The following RBM25 variants were observed in gnomAD, a reference collection of about 807,000 sequenced individuals.
RBM25 encodes RNA binding motif protein 25, also known as RNA-binding protein 25.
A neutral mutation model predicts 120.7 loss-of-function variants in RBM25; 19 were observed. That is an observed-to-expected ratio of 0.16 (90% CI 0.11 to 0.23). The LOEUF (loss-of-function observed/expected upper bound fraction) is 0.23. Among genes scored for constraint, RBM25 ranks in the 10% least tolerant of loss-of-function variants. The pLI, the probability that RBM25 is intolerant of heterozygous loss-of-function variation, is 1.00. For synonymous variants in RBM25, 390 were observed against 326.7 expected (o/e 1.19, Z -2.09); for missense variants, 605 against 1,041.5 (o/e 0.58, Z 5.77).
chr14:73,076,409 G>C, intron 3 of RBM25, 41 bp downstream of exon 3: 1 of 1,541,890 alleles, frequency 6.5e-7, no homozygotes, highest in South Asian at 1.1e-5. Flanking sequence ...TTATGGTAGT[G>C]CTAGTGCTTT....
chr14:73,059,007 T>G (rs959022151), intron 1 of RBM25, among the ~76,000 whole-genome samples: 1 of 152,080 alleles, frequency 6.6e-6, no homozygotes, highest in African/African-American at 2.4e-5. Flanking sequence ...GAATCGTCTC[T>G]GCCCCCCCTG....
intron 13 of RBM25, among the ~76,000 whole-genome samples, chr14:73,108,240 A>G (rs992548562): frequency 6.6e-6 from 1 of 152,154 alleles, no homozygotes; most frequent in African/African-American, 2.4e-5. Flanking sequence ...GCTGGAATGC[A>G]GGGGCATGAT....
chr14:73,071,509 T>C, intron 1 of RBM25, 118 bp from the exon 2 acceptor site: 1 of 705,278 alleles, frequency 1.4e-6, no homozygotes, highest in Middle Eastern at 2.6e-4. Flanking sequence ...TGCCAATTTC[T>C]TTGGGTAAGA....
intron 1 of RBM25, among the ~76,000 whole-genome samples, chr14:73,060,513 A>G (rs1894978967): frequency 6.6e-6 from 1 of 151,502 alleles, no homozygotes; most frequent in African/African-American, 2.4e-5. Context: ...TTTGGAAGCA[A>G]AGGAATCATT....
chr14:73,089,432 G>T (rs1469534224), intron 6 of RBM25, among the ~76,000 whole-genome samples: 1 of 152,022 alleles, frequency 6.6e-6, no homozygotes, highest in Non-Finnish European at 1.5e-5. Flanking sequence ...TTGGCTCACT[G>T]CAACCTCTGC....
At chr14:73,091,834 C>A (rs968525333) in intron 6 of RBM25, among the ~76,000 whole-genome samples, 1 of 151,846 alleles carries the variant, frequency 6.6e-6, no homozygotes, top group Admixed American at 6.6e-5. Context: ...GCTGAGATTG[C>A]GCCACTGCAG....
At chr14:73,112,585 T>C (rs1453926471) in intron 17 of RBM25, among the ~76,000 whole-genome samples, 7 of 152,098 alleles carry the variant, frequency 4.6e-5, no homozygotes, top group Admixed American at 2.0e-4. Flanking sequence ...TGCTGTGCCA[T>C]CTTCTTCTTG....
intron 12 of RBM25, chr14:73,107,311 T>C (rs1464238811): frequency 1.3e-5 from 2 of 152,886 alleles, no homozygotes; most frequent in African/African-American, 4.8e-5. Context: ...AAATTTAAAA[T>C]GTCTAATGTG....
At chr14:73,106,391 T>C in intron 12 of RBM25, 106 bp downstream of exon 12, 6 of 872,028 alleles carry the variant, frequency 6.9e-6, no homozygotes, top group Middle Eastern at 3.9e-4. Context: ...AGCTTCTCTA[T>C]TCATGTATAA....
chr14:73,106,355 A>C, intron 12 of RBM25, 70 bp downstream of exon 12: 5 of 1,173,606 alleles, frequency 4.3e-6, no homozygotes, highest in Non-Finnish European at 5.9e-6. Context: ...TGCTAACTAC[A>C]AGTAACTTAA....
intron 9 of RBM25, 126 bp downstream of exon 9, chr14:73,099,876 AT>A: frequency 7.6e-7 from 1 of 1,311,382 alleles, no homozygotes; most frequent in South Asian, 2.1e-5. Flanking sequence ...TTTAATTGAT[AT>A]TTAGATAGAA....
At chr14:73,112,564 GC>G (rs1896333051) in intron 17 of RBM25, among the ~76,000 whole-genome samples, 2 of 151,508 alleles carry the variant, frequency 1.3e-5, no homozygotes, top group African/African-American at 4.9e-5. Context: ...CTGTCTTTCT[GC>G]CCCTGAGAAT....
chr14:73,097,764 C>T (rs1291620259), intron 7 of RBM25, among the ~76,000 whole-genome samples: 1 of 152,162 alleles, frequency 6.6e-6, no homozygotes, highest in Non-Finnish European at 1.5e-5. Flanking sequence ...TGTCACATTC[C>T]CCTCCCTGAA....
intron 5 of RBM25, among the ~76,000 whole-genome samples, chr14:73,086,686 G>A (rs911558433): frequency 2.6e-5 from 4 of 152,054 alleles, no homozygotes; most frequent in African/African-American, 9.7e-5. Flanking sequence ...ACTATCATCA[G>A]CAATATGATC....
At chr14:73,112,496 CAT>C (rs1176628821) in intron 17 of RBM25, among the ~76,000 whole-genome samples, 1 of 152,080 alleles carries the variant, frequency 6.6e-6, no homozygotes, top group African/African-American at 2.4e-5. Flanking sequence ...CCTCACACCA[CAT>C]GTTTTTATTT....
chr14:73,111,644 C>T lies in RBM25; in HGVS notation c.2134C>T (p.Leu712=), dbSNP rs1896311399. The T allele has an allele frequency of 6.2e-7, 1 of 1,614,142 alleles. No homozygotes were observed. Among genetic ancestry groups the T allele is most frequent in the East Asian group, 2.2e-5 (1 of 44,876 alleles). ...TGATGACGTACCCCGAAAAAGGAAACTGGTTCCCTTGGATTATGGTGAAGA... is the reference window on the plus strand; with the variant it reads ...TGATGACGTACCCCGAAAAAGGAAATTGGTTCCCTTGGATTATGGTGAAGA... ...DSDDVPRKRK[L]VPLDYGEDDK... The change falls in exon 16 of 19, where the codon CTG becomes TTG. Residue 712 remains leucine (L), a synonymous_variant. Coordinates refer to ENST00000261973, the MANE Select transcript of RBM25 (RefSeq NM_021239.3).
At chr14:73,116,266 C>T (rs968386512) in intron 18 of RBM25, among the ~76,000 whole-genome samples, 10 of 151,860 alleles carry the variant, frequency 6.6e-5, no homozygotes, top group Non-Finnish European at 1.3e-4. Context: ...AAGGGCAGAG[C>T]GGGAAGACAG....
intron 5 of RBM25, among the ~76,000 whole-genome samples, chr14:73,086,424 G>A (rs1401053682): frequency 4.0e-5 from 6 of 149,844 alleles, no homozygotes; most frequent in Non-Finnish European, 7.4e-5. Flanking sequence ...GTGACAGCGC[G>A]AGACTCCGTC....
rs533539192 is a variant in RBM25, at chr14:73,093,365, T to C, written c.544-3550T>C. ...CAGCAGAGCTGTTTAACTTCACAGC[T>C]ACTAGCTTTACTATTGAAATTTTAA... On this transcript the variant is annotated intron_variant, in intron 6 of 18. Coordinates refer to ENST00000261973, the MANE Select transcript of RBM25 (RefSeq NM_021239.3). Among the ~76,000 whole-genome samples, 7 of 152,368 alleles carry C rather than the reference T, an allele frequency of 4.6e-5. No individual in the cohort carries two copies. The East Asian group carries it at 1.3e-3, about 29-fold the overall frequency.
Sources: allele counts gnomAD v4.1 joint callset (sites outside exome capture counted in the v4.1 genomes callset), GRCh38; gene constraint gnomAD v4.1.1; transcripts MANE v1.5; gene names NCBI Gene and HGNC (gene_info 2026-07-23, HGNC 2026-07-21).